KLF8: variants seen among roughly 807,000 people sequenced by gnomAD.
KLF8 encodes Krueppel-like factor 8.
Under a neutral mutation model 18.2 loss-of-function variants are expected in KLF8, and 10 were observed. That is an observed-to-expected ratio of 0.55 (90% CI 0.34 to 0.93). The LOEUF (loss-of-function observed/expected upper bound fraction) is 0.93. Ranked by LOEUF, KLF8 falls within the 40% of genes least tolerant of loss-of-function variation. KLF8 has a pLI of 0.02. For missense variants in KLF8, 264 were observed against 277.9 expected, an observed-to-expected ratio of 0.95 and a Z score of 0.36; for synonymous variants, 109 against 97.3, an observed-to-expected ratio of 1.12 and a Z score of -0.71.
chrX:56,219,667 C>T, the KLF8 span, among the ~76,000 whole-genome samples: 3 of 111,575 alleles, frequency 2.7e-5, no homozygotes, highest in South Asian at 1.1e-3. Flanking sequence ...CCTTGCCCCC[C>T]TACTTCAATT....
chrX:56,020,330 G>A, the KLF8 span, among the ~76,000 whole-genome samples: 1 of 111,977 alleles, frequency 8.9e-6, no homozygotes, highest in South Asian at 3.7e-4. Flanking sequence ...TCCTGCTACA[G>A]CAGCGTGGAG....
the KLF8 span, among the ~76,000 whole-genome samples, chrX:56,081,832 T>G: frequency 1.8e-5 from 2 of 112,185 alleles, no homozygotes; most frequent in Non-Finnish European, 3.8e-5. Context: ...TGTATAATTC[T>G]TTTAATATGC....
chrX:56,057,219 G>C, the KLF8 span, among the ~76,000 whole-genome samples: 1 of 111,615 alleles, frequency 9.0e-6, no homozygotes, highest in Non-Finnish European at 1.9e-5. Context: ...GGTTGCTCAG[G>C]GTGGAGGAGA....
chrX:56,207,164 G>T, the KLF8 span, among the ~76,000 whole-genome samples: 8 of 112,451 alleles, frequency 7.1e-5, no homozygotes, highest in Non-Finnish European at 1.1e-4. Flanking sequence ...AGGCCTCCAG[G>T]CCTGTGATGG....
chrX:56,208,089 A>ATGATTCAAT, the KLF8 span, among the ~76,000 whole-genome samples: 1 of 111,230 alleles, frequency 9.0e-6, no homozygotes, highest in African/African-American at 3.3e-5. Flanking sequence ...AACTGGCCCC[A>ATGATTCAAT]TGATTCAATT....
the KLF8 span, among the ~76,000 whole-genome samples, chrX:55,916,090 G>A: frequency 8.9e-6 from 1 of 111,762 alleles, no homozygotes; most frequent in Non-Finnish European, 1.9e-5. Flanking sequence ...GACACTCACC[G>A]ATTGACCAGG....
chrX:55,911,584 G>A, the KLF8 span, among the ~76,000 whole-genome samples: 1 of 111,369 alleles, frequency 9.0e-6, no homozygotes, highest in Admixed American at 9.6e-5. Flanking sequence ...TTCCCAGTGG[G>A]AGCTTTAAGT....
chrX:56,012,147 C>CA, the KLF8 span, among the ~76,000 whole-genome samples: 1 of 111,599 alleles, frequency 9.0e-6, no homozygotes, highest in Admixed American at 9.5e-5. Flanking sequence ...AGATATACAA[C>CA]AAAAAACAAA....
intron 2 of KLF8, among the ~76,000 whole-genome samples, chrX:56,251,953 T>A (rs1217616322): frequency 9.0e-6 from 1 of 111,402 alleles, no homozygotes; most frequent in Admixed American, 9.6e-5. Flanking sequence ...TACAATTAAG[T>A]TATTATTGAC....
the KLF8 span, among the ~76,000 whole-genome samples, chrX:55,977,594 G>A: frequency 2.7e-5 from 3 of 110,670 alleles, no homozygotes; most frequent in East Asian, 8.5e-4. Context: ...TTGTTCAAAT[G>A]GATGTTTTGT....
At position 56,289,168 on chromosome X, in the gene KLF8, C is replaced by G. The variant is rs2067298329; in HGVS notation, c.*4674C>G. Among the ~76,000 whole-genome samples, 1 of 111,944 alleles carries G rather than the reference C, an allele frequency of 8.9e-6. No homozygotes were observed. The highest frequency in any genetic ancestry group is 3.7e-4 in the South Asian group (1 of 2,700). On this transcript the variant is annotated 3_prime_UTR_variant, in exon 6 of 6. Transcript: ENST00000468660. Reference sequence around the variant, plus strand: ...TTATACTTCGAGTTATAATCTAATACTACTACTTTATTTTATTGCTCGAAT... The same window carrying G: ...TTATACTTCGAGTTATAATCTAATAGTACTACTTTATTTTATTGCTCGAAT...
At chrX:55,976,119 A>AAAAAACATGTATTCATATTTTCATAT in the KLF8 span, among the ~76,000 whole-genome samples, 1 of 112,172 alleles carries the variant, frequency 8.9e-6, no homozygotes, top group Non-Finnish European at 1.9e-5. Context: ...CAAAAAAACA[A>AAAAAACATGTATTCATATTTTCATAT]AAAAACATGT....
At chrX:55,945,370 A>G in the KLF8 span, among the ~76,000 whole-genome samples, 1 of 111,230 alleles carries the variant, frequency 9.0e-6, no homozygotes, top group Non-Finnish European at 1.9e-5. Flanking sequence ...AGCTGAGTTC[A>G]ATTTCTGGGT....
the KLF8 span, among the ~76,000 whole-genome samples, chrX:56,214,333 C>T: frequency 8.9e-6 from 1 of 112,202 alleles, no homozygotes; most frequent in African/African-American, 3.2e-5. Flanking sequence ...GCCTCCTGTC[C>T]CTATCACTGT....
intron 4 of KLF8, 47 bp downstream of exon 4, chrX:56,269,536 TG>T: frequency 9.0e-7 from 1 of 1,114,508 alleles, no homozygotes; most frequent in Non-Finnish European, 1.2e-6. Context: ...TGTGTGTGTG[TG>T]TGTGTGTGTG....
intron 2 of KLF8, among the ~76,000 whole-genome samples, chrX:56,253,223 C>T (rs2066738350): frequency 1.8e-5 from 2 of 111,759 alleles, no homozygotes; most frequent in Non-Finnish European, 3.8e-5. Context: ...GATGTGATCC[C>T]ATTTGTTCCT....
chrX:56,019,011 G>A, the KLF8 span, among the ~76,000 whole-genome samples: 7 of 111,715 alleles, frequency 6.3e-5, no homozygotes, highest in Non-Finnish European at 1.3e-4. Flanking sequence ...GATCATCTCA[G>A]GGATTTTAGG....
chrX:56,056,470 T>TA, the KLF8 span, among the ~76,000 whole-genome samples: 41 of 108,077 alleles, frequency 3.8e-4, 1 homozygote, highest in Non-Finnish European at 7.1e-4. Context: ...TATGCAGCCA[T>TA]AAAAAATGAT....
intron 1 of KLF8, 33 bp downstream of exon 1, chrX:56,233,374 C>T: frequency 9.7e-7 from 1 of 1,032,773 alleles, no homozygotes; most frequent in Non-Finnish European, 1.4e-6. Context: ...CCCACCCACT[C>T]CCACCTCTTT....
Sources: allele counts gnomAD v4.1 joint callset (sites outside exome capture counted in the v4.1 genomes callset), GRCh38; gene constraint gnomAD v4.1.1; transcripts MANE v1.5; gene names NCBI Gene and HGNC (gene_info 2026-07-23, HGNC 2026-07-21).